PDE8A: variants seen among roughly 807,000 people sequenced by gnomAD.
The protein encoded by PDE8A is phosphodiesterase 8A.
PDE8A carries 59 observed loss-of-function variants against 105.0 expected under a neutral mutation model. That is an observed-to-expected ratio of 0.56 (90% CI 0.46 to 0.70). PDE8A has a LOEUF of 0.70. Ranked by LOEUF, PDE8A falls within the 30% of genes least tolerant of loss-of-function variation. The probability of loss-of-function intolerance (pLI) is 0.00; values close to 1 mark genes in which losing one functional copy is unlikely to be tolerated. For synonymous variants in PDE8A, 355 were observed against 371.9 expected, an observed-to-expected ratio of 0.95 and a Z score of 0.52; for missense variants, 1,014 against 1,045.9, an observed-to-expected ratio of 0.97 and a Z score of 0.42.
At chr15:85,032,436 G>C (rs1244546388) in intron 1 of PDE8A, among the ~76,000 whole-genome samples, 1 of 152,156 alleles carries the variant, frequency 6.6e-6, no homozygotes, top group African/African-American at 2.4e-5. Context: ...CATGGAAACA[G>C]TAACTTTTAA....
At chr15:85,097,684 C>T (rs938162830) in intron 8 of PDE8A, 2 of 370,630 alleles carry the variant, frequency 5.4e-6, no homozygotes, top group Non-Finnish European at 9.7e-6. Context: ...TTTGGGGGTC[C>T]AGGACCCCTC....
intron 1 of PDE8A, among the ~76,000 whole-genome samples, chr15:85,037,435 C>T (rs973127336): frequency 6.6e-6 from 1 of 152,078 alleles, no homozygotes; most frequent in African/African-American, 2.4e-5. Flanking sequence ...ATGAGATGCC[C>T]TTGTATTCCC....
At chr15:84,982,430 G>A (rs1186592633) in intron 1 of PDE8A, 82 bp downstream of exon 1, 2 of 909,752 alleles carry the variant, frequency 2.2e-6, no homozygotes, top group Non-Finnish European at 3.0e-6. Context: ...GCCGGGCGGG[G>A]TCCCCCCCAC....
intron 1 of PDE8A, among the ~76,000 whole-genome samples, chr15:84,998,231 C>A (rs2080011140): frequency 6.6e-6 from 1 of 152,186 alleles, no homozygotes; most frequent in African/African-American, 2.4e-5. Context: ...CAAGATCACA[C>A]TGCAAGTATT....
chr15:85,012,205 C>A (rs2080250230), intron 1 of PDE8A, among the ~76,000 whole-genome samples: 1 of 152,114 alleles, frequency 6.6e-6, no homozygotes, highest in Non-Finnish European at 1.5e-5. Context: ...TGGGTGTATA[C>A]CCAAAGGACT....
At chr15:85,038,680 G>A (rs2080749820) in intron 1 of PDE8A, among the ~76,000 whole-genome samples, 1 of 151,568 alleles carries the variant, frequency 6.6e-6, no homozygotes, top group Admixed American at 6.6e-5. Context: ...ATGGCCAAAG[G>A]ACCTGAATAG....
At chr15:85,063,427 C>G (rs1011831974) in intron 1 of PDE8A, 2 of 152,220 alleles carry the variant, frequency 1.3e-5, no homozygotes, top group Admixed American at 6.5e-5. Flanking sequence ...CAAAATGTGT[C>G]TCTTCCCCTG....
chr15:85,023,287 G>A (rs2080458852), intron 1 of PDE8A, among the ~76,000 whole-genome samples: 1 of 152,206 alleles, frequency 6.6e-6, no homozygotes, highest in Non-Finnish European at 1.5e-5. Context: ...GGCTTCTGGT[G>A]GTAGAGACCA....
At chr15:85,039,250 A>AC (rs368244959) in intron 1 of PDE8A, among the ~76,000 whole-genome samples, 195 of 152,144 alleles carry the variant, frequency 1.3e-3, no homozygotes, top group African/African-American at 4.5e-3. Context: ...ACCTAGTAAG[A>AC]CCTCATTTCT....
At chr15:85,132,312 T>C (rs113776940) in intron 20 of PDE8A, among the ~76,000 whole-genome samples, 4 of 152,320 alleles carry the variant, frequency 2.6e-5, no homozygotes, top group African/African-American at 9.6e-5. Context: ...TCCTCTTCTT[T>C]TTGCTGAACT....
chr15:85,009,544 T>C (rs1412050034), intron 1 of PDE8A, among the ~76,000 whole-genome samples: 2 of 152,224 alleles, frequency 1.3e-5, no homozygotes, highest in Admixed American at 6.5e-5. Context: ...GATTTCAGGC[T>C]GGAGAAGGGA....
chr15:85,126,129 C>T (rs534760438), intron 19 of PDE8A, 78 bp from the exon 20 acceptor site: 4 of 1,007,940 alleles, frequency 4.0e-6, no homozygotes, highest in Non-Finnish European at 5.9e-6. Flanking sequence ...TTTATGCTTA[C>T]AGTGGGACAG....
At chr15:85,126,014 C>T (rs1393423189) in intron 19 of PDE8A, among the ~76,000 whole-genome samples, 193 bp from the exon 20 acceptor site, 1 of 152,138 alleles carries the variant, frequency 6.6e-6, no homozygotes, top group African/African-American at 2.4e-5. Context: ...TGCAATCTCA[C>T]TGAGCCTCGG....
At chr15:85,074,172 G>C (rs1371797819) in intron 3 of PDE8A, among the ~76,000 whole-genome samples, 2 of 152,176 alleles carry the variant, frequency 1.3e-5, no homozygotes, top group African/African-American at 2.4e-5. Flanking sequence ...TATTCTGCAT[G>C]TGTTGTTAGA....
At chr15:85,043,692 G>A (rs1019252747) in intron 1 of PDE8A, among the ~76,000 whole-genome samples, 1 of 150,632 alleles carries the variant, frequency 6.6e-6, no homozygotes, top group Non-Finnish European at 1.5e-5. Flanking sequence ...TTGTTTGTTT[G>A]TTTGTTTGTT....
intron 1 of PDE8A, among the ~76,000 whole-genome samples, chr15:85,006,198 G>A (rs898041274): frequency 6.6e-6 from 1 of 151,994 alleles, no homozygotes; most frequent in Non-Finnish European, 1.5e-5. Context: ...CACCAGCATG[G>A]CACATGTATA....
intron 1 of PDE8A, among the ~76,000 whole-genome samples, chr15:84,997,048 C>G (rs1484865998): frequency 6.6e-6 from 1 of 152,048 alleles, no homozygotes; most frequent in African/African-American, 2.4e-5. Context: ...ATAATCTCAG[C>G]TTACTGTAAC....
At chr15:85,123,337 TACACACACACACACAC>T (rs58421452) in intron 19 of PDE8A, 144 bp downstream of exon 19, 6,586 of 329,998 alleles carry the variant, frequency 0.02, 113 homozygotes, top group African/African-American at 0.068. Context: ...ACTAATGGGA[TACACACACACACACAC>T]ACACACACAC....
At chr15:85,061,734 T>C (rs1472110588) in intron 1 of PDE8A, among the ~76,000 whole-genome samples, 1 of 152,170 alleles carries the variant, frequency 6.6e-6, no homozygotes, top group Non-Finnish European at 1.5e-5. Context: ...GATGCATATA[T>C]TAGCTTGTTT....
Sources: allele counts gnomAD v4.1 joint callset (sites outside exome capture counted in the v4.1 genomes callset), GRCh38; gene constraint gnomAD v4.1.1; transcripts MANE v1.5; gene names NCBI Gene and HGNC (gene_info 2026-07-23, HGNC 2026-07-21).